Variants in STOX2 observed in about 807,000 individuals in gnomAD.
STOX2 encodes the protein storkhead box 2.
A neutral mutation model predicts 60.9 loss-of-function variants in STOX2; 28 were observed. The observed-to-expected ratio is 0.46, with a 90% confidence interval of 0.34 to 0.63. STOX2 has a LOEUF of 0.63. STOX2 is among the 30% of genes least tolerant of loss of function. The probability of loss-of-function intolerance (pLI) is 0.01; values close to 1 mark genes in which losing one functional copy is unlikely to be tolerated. For missense variants in STOX2, 1,024 were observed against 1,187.7 expected, an observed-to-expected ratio of 0.86 and a Z score of 2.03; for synonymous variants, 472 against 463.9, an observed-to-expected ratio of 1.02 and a Z score of -0.22.
At chr4:184,000,072 C>G (rs1272217507) in intron 1 of STOX2, among the ~76,000 whole-genome samples, 1 of 152,158 alleles carries the variant, frequency 6.6e-6, no homozygotes, top group African/African-American at 2.4e-5. Flanking sequence ...GCATCCTCCT[C>G]GTGTAGGACA....
intron 1 of STOX2, among the ~76,000 whole-genome samples, chr4:183,864,037 C>A (rs1560852722): frequency 1.3e-5 from 2 of 152,110 alleles, no homozygotes; most frequent in Non-Finnish European, 2.9e-5. Context: ...ACTCTGTGGT[C>A]CACACTTTAA....
chr4:183,997,994 C>T (rs1341497292), intron 1 of STOX2, among the ~76,000 whole-genome samples: 1 of 152,208 alleles, frequency 6.6e-6, no homozygotes, highest in Non-Finnish European at 1.5e-5. Context: ...TAAGGACAAG[C>T]ATGACCTAAA....
chr4:183,933,656 T>C (rs1312910015), intron 1 of STOX2, among the ~76,000 whole-genome samples: 1 of 152,200 alleles, frequency 6.6e-6, no homozygotes, highest in Non-Finnish European at 1.5e-5. Context: ...CCCAAAGTGC[T>C]AGGATTACAG....
intron 1 of STOX2, among the ~76,000 whole-genome samples, chr4:183,989,187 T>G (rs80084093): frequency 0.45 from 52,611 of 115,904 alleles, 10,206 homozygotes; most frequent in African/African-American, 0.57. Flanking sequence ...TTTTTTTTTT[T>G]TTTTTTGTTT....
chr4:183,880,273 C>T (rs187367556), intron 1 of STOX2, among the ~76,000 whole-genome samples: 13 of 152,214 alleles, frequency 8.5e-5, no homozygotes, highest in African/African-American at 2.9e-4. Flanking sequence ...CATGAGCCAC[C>T]GTACCCTGCT....
At chr4:183,816,082 A>G (rs1739146920) in intron 1 of STOX2, among the ~76,000 whole-genome samples, 1 of 152,352 alleles carries the variant, frequency 6.6e-6, no homozygotes, top group Non-Finnish European at 1.5e-5. Context: ...GAAGAAAACC[A>G]AATCGATTCG....
chr4:183,874,151 G>T (rs1252585939), intron 1 of STOX2, among the ~76,000 whole-genome samples: 1 of 152,116 alleles, frequency 6.6e-6, no homozygotes, highest in Non-Finnish European at 1.5e-5. Flanking sequence ...CAGATGGCAA[G>T]AAACAGATTG....
At position 184,011,349 on chromosome 4, in the gene STOX2, A is replaced by G. The variant is rs368163284; in HGVS notation, c.2511A>G (p.Arg837=). The G allele has an allele frequency of 4.0e-4, 648 of 1,613,830 alleles. No individual in the cohort carries two copies. The highest frequency in any genetic ancestry group is 5.0e-4 in the Non-Finnish European group (592 of 1,179,892). ...AAACCGACAGCAGCAGCAACCAGAG[A>G]GCCACCCATTCAGCCCGGCTCGACA... The part of the protein sequence containing the change: ...PKETDSSSNQ[R]ATHSARLDSM... The change falls in exon 3 of 4, where the codon AGA becomes AGG. Residue 837 remains arginine (R), a synonymous_variant. Coordinates refer to ENST00000308497, the MANE Select transcript of STOX2 (RefSeq NM_020225.3). The surrounding 1 kb of genome is among the most constrained non-coding windows in gnomAD (Gnocchi z 4.4).
At chr4:183,822,235 G>A (rs1739318965) in intron 1 of STOX2, among the ~76,000 whole-genome samples, 3 of 152,214 alleles carry the variant, frequency 2.0e-5, no homozygotes, top group African/African-American at 4.8e-5. Context: ...CTAATGGAAC[G>A]CTGGCTGTAG....
At chr4:183,829,356 C>T (rs529736018) in intron 1 of STOX2, among the ~76,000 whole-genome samples, 2 of 152,258 alleles carry the variant, frequency 1.3e-5, no homozygotes, top group South Asian at 2.1e-4. Flanking sequence ...AAAGACAGAA[C>T]GTGGAAAAAA....
intron 1 of STOX2, chr4:183,798,843 C>T: frequency 1.0e-6 from 1 of 983,578 alleles, no homozygotes; most frequent in Non-Finnish European, 1.2e-6. Flanking sequence ...CCTCCTTAAT[C>T]CAGTTTGCAT....
intron 1 of STOX2, among the ~76,000 whole-genome samples, chr4:183,890,136 C>A (rs573375295): frequency 1.3e-5 from 2 of 152,300 alleles, no homozygotes; most frequent in South Asian, 4.1e-4. Context: ...CCCGAGGGAA[C>A]TGGCCAGCTC....
intron 1 of STOX2, among the ~76,000 whole-genome samples, chr4:183,883,492 T>C (rs1445051487): frequency 6.6e-6 from 1 of 152,032 alleles, no homozygotes; most frequent in Non-Finnish European, 1.5e-5. Flanking sequence ...GCTAATTTTT[T>C]GTTTTTTAGT....
At position 184,011,659 on chromosome 4, in the gene STOX2, C is replaced by G; in HGVS notation, c.2585+236C>G. The G allele has an allele frequency of 6.7e-7, 1 of 1,486,768 alleles. No individual in the cohort carries two copies. The highest frequency in any genetic ancestry group is 8.9e-7 in the Non-Finnish European group (1 of 1,119,962). 92.1% of individuals were successfully genotyped at this position (1,486,768 alleles called of 1,614,324 possible). ...TGGTGGGTTGGCTCCTCCCCTCAAA[C>G]TTGCATCAGTCTGATCTAACTAAAA... On this transcript the variant is annotated intron_variant, in intron 3 of 3. Coordinates refer to ENST00000308497, the MANE Select transcript of STOX2 (RefSeq NM_020225.3). The surrounding 1 kb of genome is among the most constrained non-coding windows in gnomAD (Gnocchi z 4.4).
chr4:183,873,368 T>A (rs1740738592), intron 1 of STOX2, among the ~76,000 whole-genome samples: 1 of 150,282 alleles, frequency 6.7e-6, no homozygotes, highest in African/African-American at 2.5e-5. Flanking sequence ...ATCGCTTGAA[T>A]CTGGGAGGCG....
chr4:183,940,358 A>G (rs993400892), intron 1 of STOX2, among the ~76,000 whole-genome samples: 1 of 152,236 alleles, frequency 6.6e-6, no homozygotes, highest in Non-Finnish European at 1.5e-5. Flanking sequence ...ACGACTAAGC[A>G]GGTGTTTATG....
At chr4:183,916,458 G>T (rs1157606850) in intron 1 of STOX2, among the ~76,000 whole-genome samples, 1 of 152,144 alleles carries the variant, frequency 6.6e-6, no homozygotes, top group Non-Finnish European at 1.5e-5. Flanking sequence ...CAGGACCTCG[G>T]CTTCCTTACC....
At chr4:183,970,139 CGTGTGTGTGTGTGTGT>C (rs3042606) in intron 1 of STOX2, among the ~76,000 whole-genome samples, 7 of 126,904 alleles carry the variant, frequency 5.5e-5, no homozygotes, top group African/African-American at 1.3e-4. Context: ...ACTACATGTA[CGTGTGTGTGTGTGTGT>C]GTGTGTGTGT....
intron 1 of STOX2, among the ~76,000 whole-genome samples, chr4:183,959,487 C>G (rs1013049624): frequency 3.9e-5 from 6 of 152,192 alleles, no homozygotes; most frequent in Non-Finnish European, 8.8e-5. Flanking sequence ...CCCCTTCCCC[C>G]GCAGTGGTGC....
Sources: gnomAD v4.1 joint callset for allele counts (sites outside exome capture counted in the v4.1 genomes callset) on GRCh38, gnomAD v4.1.1 for gene constraint, Gnocchi (gnomAD v3.1) non-coding constraint, MANE v1.5 for transcripts, NCBI Gene and HGNC (gene_info 2026-07-23, HGNC 2026-07-21) for gene names.